The following ADCY7 variants were observed in gnomAD, a reference collection of about 807,000 sequenced individuals.
The protein encoded by ADCY7 is adenylate cyclase type 7.
Under a neutral mutation model 120.6 loss-of-function variants are expected in ADCY7, and 72 were observed. The ratio of observed to expected loss-of-function variants is 0.60; its 90% CI spans 0.49 to 0.73. ADCY7 has a LOEUF of 0.73. Ranked by LOEUF, ADCY7 falls within the 30% of genes least tolerant of loss-of-function variation. ADCY7 has a pLI of 0.00. For synonymous variants in ADCY7, 661 were observed against 628.0 expected, an observed-to-expected ratio of 1.05 and a Z score of -0.78; for missense variants, 1,227 against 1,486.0, an observed-to-expected ratio of 0.83 and a Z score of 2.87.
At chr16:50,305,362 C>G (rs1246039796) in intron 12 of ADCY7, 141 bp from the exon 13 acceptor site, 1 of 782,712 alleles carries the variant, frequency 1.3e-6, no homozygotes, top group Non-Finnish European at 2.1e-6. Context: ...CTCGCCCTCT[C>G]TGGGCCTCAG....
At chr16:50,289,334 C>A (rs1239810644) in intron 2 of ADCY7, 1 of 447,180 alleles carries the variant, frequency 2.2e-6, no homozygotes, top group Non-Finnish European at 4.5e-6. Flanking sequence ...CTGTGCCCGG[C>A]CTCAGAATCC....
At chr16:50,304,792 G>A (rs2035954652) in intron 11 of ADCY7, 133 bp from the exon 12 acceptor site, 2 of 1,266,816 alleles carry the variant, frequency 1.6e-6, no homozygotes, top group East Asian at 4.7e-5. Context: ...TAGTCAGGAT[G>A]TCTGTGGCTT....
chr16:50,315,228 C>G, intron 25 of ADCY7, 90 bp downstream of exon 25: 1 of 1,576,956 alleles, frequency 6.3e-7, no homozygotes, highest in Non-Finnish European at 8.6e-7. Context: ...CTGTCTCACC[C>G]AGCAGCCATG....
intron 1 of ADCY7, among the ~76,000 whole-genome samples, chr16:50,250,725 TTAAAG>T (rs1311232041): frequency 6.6e-6 from 1 of 152,186 alleles, no homozygotes; most frequent in Non-Finnish European, 1.5e-5. Flanking sequence ...GGGCTGTAGA[TTAAAG>T]TATTGTATCA....
intron 6 of ADCY7, among the ~76,000 whole-genome samples, chr16:50,294,401 G>A (rs994826864): frequency 2.0e-5 from 3 of 152,192 alleles, no homozygotes; most frequent in South Asian, 2.1e-4. Context: ...GGGTGGGGCC[G>A]AGGGCTCCTG....
chr16:50,314,906 G>A, intron 24 of ADCY7, 108 bp from the exon 25 acceptor site: 1 of 1,367,910 alleles, frequency 7.3e-7, no homozygotes, highest in Admixed American at 2.5e-5. Context: ...CACTCTAGTT[G>A]TTTTGTCCCC....
At position 50,291,846 on chromosome 16, in the gene ADCY7, C is replaced by G. The variant is rs190689152; in HGVS notation, c.486C>G (p.Leu162=). Residue 162 remains leucine, a synonymous_variant, in exon 4 of 26, where the codon CTC becomes CTG. Transcript: ENST00000673801. Reference sequence around the variant, plus strand: ...CCACTGCCTCCCACCTCCTGGTGCTCGGTTCTTTGATGGGAGGCTTCACGA... The same window carrying G: ...CCACTGCCTCCCACCTCCTGGTGCTGGGTTCTTTGATGGGAGGCTTCACGA... ...AVSTASHLLV[L]GSLMGGFTTP... is the part of the protein sequence containing the mutation. 2 of 1,613,922 alleles carry G rather than the reference C, an allele frequency of 1.2e-6. No homozygotes were observed. Among genetic ancestry groups the G allele is most frequent in the South Asian group, 2.2e-5 (2 of 91,078 alleles).
chr16:50,312,810 C>T lies in ADCY7; in HGVS notation c.2605-80C>T, dbSNP rs144475861. On this transcript the variant is annotated intron_variant, in intron 21 of 25. Coordinates refer to ENST00000673801, the MANE Select transcript of ADCY7 (RefSeq NM_001114.5). ...GCTGGGCTGGGCAGTTCAGCAGTGCCATCTGCTCCTGAGGCCTTGCCACTC... is the reference window on the plus strand; with the variant it reads ...GCTGGGCTGGGCAGTTCAGCAGTGCTATCTGCTCCTGAGGCCTTGCCACTC... The T allele has an allele frequency of 9.0e-5, 128 of 1,417,616 alleles. 1 individual carries two copies. The African/African-American group carries it at 1.9e-3, about 20-fold the overall frequency. 87.8% of individuals were successfully genotyped at this position (1,417,616 alleles called of 1,614,324 possible). A position where few individuals can be genotyped will look rare whatever the true frequency, so the allele number is the denominator to read the frequency against.
chr16:50,288,888 C>G (rs2034755425), intron 2 of ADCY7, among the ~76,000 whole-genome samples: 1 of 152,082 alleles, frequency 6.6e-6, no homozygotes, highest in South Asian at 2.1e-4. Flanking sequence ...GCCTTGAACT[C>G]CTGGGTTCAA....
At chr16:50,292,628 G>C (rs370769719) in intron 4 of ADCY7, 48 bp from the exon 5 acceptor site, 1 of 1,600,030 alleles carries the variant, frequency 6.2e-7, no homozygotes, top group Non-Finnish European at 8.5e-7. Context: ...TGCCTCGGGA[G>C]GGCATGGGCC....
chr16:50,250,448 C>T (rs2032721923), intron 1 of ADCY7, among the ~76,000 whole-genome samples: 1 of 128,916 alleles, frequency 7.8e-6, no homozygotes, highest in African/African-American at 3.1e-5. Context: ...CAAAGCAAGA[C>T]TCTATCTCAA....
rs770016810 is a variant in ADCY7 at position 50,313,033 on chromosome 16, C to T, written c.2748C>T (p.Asp916=). The change falls in exon 22 of 26, where the codon GAC becomes GAT. Residue 916 remains aspartate, a synonymous_variant. Coordinates refer to ENST00000673801, the MANE Select transcript of ADCY7 (RefSeq NM_001114.5). ...TCAATGAGATCATTGCCGACTTCGA[C>T]GAGGTACAGCCTCTAGCCCAGCCTT... ...RLLNEIIADF[D]ELLLKPKFSG... The T allele has an allele frequency of 1.2e-5, 20 of 1,613,990 alleles. No homozygotes were observed. Among genetic ancestry groups the T allele is most frequent in the Middle Eastern group, 1.6e-4 (1 of 6,084 alleles).
At chr16:50,262,758 G>T (rs1332313981), upstream of ADCY7, among the ~76,000 whole-genome samples, 3 of 152,234 alleles carry the variant, frequency 2.0e-5, no homozygotes, top group Non-Finnish European at 4.4e-5. Context: ...GAGGATGGGG[G>T]TTGCTGAGAG....
chr16:50,272,682 G>A (rs865866632), intron 1 of ADCY7, among the ~76,000 whole-genome samples: 3 of 152,180 alleles, frequency 2.0e-5, no homozygotes, highest in Non-Finnish European at 2.9e-5. Context: ...TCCTGCTGCT[G>A]TTCTTGGGAG....
At chr16:50,285,936 G>A (rs1447590422) in intron 1 of ADCY7, among the ~76,000 whole-genome samples, 1 of 152,150 alleles carries the variant, frequency 6.6e-6, no homozygotes, top group Non-Finnish European at 1.5e-5. Context: ...AGGAATGAAT[G>A]GTGCTGGGGA....
At position 50,294,664 on chromosome 16, in the gene ADCY7, C is replaced by T. The variant is rs747256590; in HGVS notation, c.861C>T (p.Gly287=). 3.3e-6 allele frequency: 5 copies of T among 1,518,948 alleles called. No homozygotes were observed. Among genetic ancestry groups the T allele is most frequent in the Non-Finnish European group, 4.5e-6 (5 of 1,110,498 alleles). 94.1% of individuals were successfully genotyped at this position (1,518,948 alleles called of 1,614,324 possible). Residue 287 remains glycine, a synonymous_variant, in exon 7 of 26, where the codon GGC becomes GGT. Transcript: ENST00000673801. ...GCATCCTCTATGCGGACATCGTGGG[C>T]TTCACGCAGCTGGCCAGCGACTGTT... ...NVSILYADIV[G]FTQLASDCSP...
At chr16:50,307,027 C>G (rs2036112977) in intron 14 of ADCY7, 23 bp from the exon 15 acceptor site, 1 of 1,596,836 alleles carries the variant, frequency 6.3e-7, no homozygotes, top group South Asian at 1.1e-5. Flanking sequence ...GTGGCCACCC[C>G]TCACAGTCCC....
intron 1 of ADCY7, among the ~76,000 whole-genome samples, chr16:50,258,357 T>C (rs1045361425): frequency 2.0e-5 from 3 of 152,232 alleles, no homozygotes; most frequent in African/African-American, 7.2e-5. Flanking sequence ...GTGGTGTTTT[T>C]GTTGAAGCTG....
At position 50,277,307 on chromosome 16, in the gene ADCY7, C is replaced by T. The variant is rs139712545; in HGVS notation, c.-268-10605C>T. Among the ~76,000 whole-genome samples the T allele has an allele frequency of 3.3e-3, 507 of 152,244 alleles. 4 individuals are homozygous for T. The highest frequency in any genetic ancestry group is 0.013 in the Admixed American group (196 of 15,294). On this transcript the variant is annotated intron_variant, in intron 1 of 25. Coordinates refer to ENST00000673801, the MANE Select transcript of ADCY7 (RefSeq NM_001114.5). ...TTTCATACTTGTGACAATGTTTGTA[C>T]GATACATTACTCAAAGTGGATTTGG...
Sources: gnomAD v4.1 joint callset for allele counts (sites outside exome capture counted in the v4.1 genomes callset) on GRCh38, gnomAD v4.1.1 for gene constraint, MANE v1.5 for transcripts, NCBI Gene and HGNC (gene_info 2026-07-23, HGNC 2026-07-21) for gene names.